The following TAGAP variants were observed in gnomAD, a reference collection of about 807,000 sequenced individuals.
TAGAP encodes T cell activation RhoGTPase activating protein, also known as T-cell activation Rho GTPase-activating protein.
Under a neutral mutation model 36.0 loss-of-function variants are expected in TAGAP, and 16 were observed. The observed-to-expected ratio is 0.44, with a 90% CI of 0.30 to 0.68. TAGAP has a LOEUF of 0.68. Ranked by LOEUF, TAGAP falls within the 30% of genes least tolerant of loss-of-function variation. The pLI is 0.09. For missense variants in TAGAP, 794 were observed against 921.5 expected (o/e 0.86, Z 1.79); for synonymous variants, 372 against 377.4 (o/e 0.99, Z 0.17).
In TAGAP at chr6:159,044,187, G is replaced by C; in HGVS notation, c.-41C>G. On this transcript the variant is annotated 5_prime_UTR_variant, in exon 2 of 10. Transcript: ENST00000367066. ...CTGTCCAGGGGTGGATTTCACTCCCGTGTGGCTGTGCCTCTGTCTACAACG... is the reference window on the plus strand; with the variant it reads ...CTGTCCAGGGGTGGATTTCACTCCCCTGTGGCTGTGCCTCTGTCTACAACG... 1 of 1,605,756 alleles carries C rather than the reference G, an allele frequency of 6.2e-7. No individual in the cohort carries two copies. The highest frequency in any genetic ancestry group is 8.5e-7 in the Non-Finnish European group (1 of 1,177,760).
Position 159,036,066 on chromosome 6 carries a change from C to G in TAGAP, c.1957G>C (p.Glu653Gln). The G allele has an allele frequency of 6.2e-7, 1 of 1,612,832 alleles. No individual in the cohort carries two copies. Among genetic ancestry groups the G allele is most frequent in the Non-Finnish European group, 8.5e-7 (1 of 1,178,998 alleles). ...GAGAGTCCGTGGCCAGGGAGTGGCT[C>G]TTTGCTGCCCCTGTGTCTTGAGTCC... ...VEDSRHRGSKEPLPGHGLSPL... is the reference protein window; with the variant it reads ...VEDSRHRGSKQPLPGHGLSPL... Residue 653 changes from glutamate (E) to glutamine (Q), a missense_variant, in exon 10 of 10, where the codon GAG (glutamate) becomes CAG (glutamine). Coordinates refer to ENST00000367066, the MANE Select transcript of TAGAP (RefSeq NM_054114.5). The surrounding 1 kb of genome is among the most constrained non-coding windows in gnomAD (Gnocchi z 4.9).
At position 159,037,983 on chromosome 6, in the gene TAGAP, C is replaced by T. The variant is rs960777143; in HGVS notation, c.898+131G>A. ...TCATGTTTAATGACTTCCTAATGGACTGGAGTCTAGTCTGACTCGGTGATT... is the reference window on the plus strand; with the variant it reads ...TCATGTTTAATGACTTCCTAATGGATTGGAGTCTAGTCTGACTCGGTGATT... On this transcript the variant is annotated intron_variant, in intron 9 of 9. Coordinates refer to ENST00000367066, the MANE Select transcript of TAGAP (RefSeq NM_054114.5). This position sits in a 1 kb window ranked among gnomAD's most constrained non-coding sequence, Gnocchi z 5.1. 1.6e-6 allele frequency: 1 copy of T among 610,890 alleles called. No homozygotes were observed. Among genetic ancestry groups the T allele is most frequent in the African/African-American group, 1.9e-5 (1 of 53,580 alleles). 37.8% of individuals were successfully genotyped at this position (610,890 alleles called of 1,614,324 possible).
chr6:159,039,104 C>T lies in TAGAP; in HGVS notation c.783+10G>A, dbSNP rs1161516583. ...AAGTTGGGGATTTCTCATCAGTAAG[C>T]AGAACAAACCTTGTTGTTCAGGTCC... On this transcript the variant is annotated intron_variant, in intron 8 of 9. Transcript: ENST00000367066. 1 of 1,614,054 alleles carries T rather than the reference C, an allele frequency of 6.2e-7. No homozygotes were observed. The highest frequency in any genetic ancestry group is 1.3e-5 in the African/African-American group (1 of 74,930).
At position 159,041,939 on chromosome 6, in the gene TAGAP, G is replaced by T; in HGVS notation, c.315+139C>A. ...TATTCTTCTGACTGCACGCGTATGT[G>T]GGAGTGCCATGTTGAAGAGTGGAAA... On this transcript the variant is annotated intron_variant, in intron 5 of 9. Coordinates refer to ENST00000367066, the MANE Select transcript of TAGAP (RefSeq NM_054114.5). This position sits in a 1 kb window ranked among gnomAD's most constrained non-coding sequence, Gnocchi z 4.1. 1 of 900,694 alleles carries T rather than the reference G, an allele frequency of 1.1e-6. No individual in the cohort carries two copies. The allele number at this position is 900,694 out of a possible 1,614,324, so 55.8% of individuals were successfully genotyped here. A position where few individuals can be genotyped will look rare whatever the true frequency, so the allele number is the denominator to read the frequency against.
chr6:159,043,767 G>T, intron 3 of TAGAP, 112 bp from the exon 4 acceptor site: 2 of 1,142,170 alleles, frequency 1.8e-6, no homozygotes, highest in Middle Eastern at 2.1e-4. Context: ...AGTCAGTAGA[G>T]TGCATTGATG....
intron 7 of TAGAP, among the ~76,000 whole-genome samples, chr6:159,040,346 A>C (rs564073905): frequency 6.6e-6 from 1 of 152,316 alleles, no homozygotes; most frequent in African/African-American, 2.4e-5. Context: ...GCATGACACC[A>C]GTCAGTGTAG....
chr6:159,041,909 T>TG lies in TAGAP; in HGVS notation c.315+168_315+169insC. ...ATTTCAATTTCTGGAATGGAAGCAG[T>TG]CAGATATTCTTCTGACTGCACGCGT... On this transcript the variant is annotated intron_variant, in intron 5 of 9. Transcript: ENST00000367066. The surrounding 1 kb of genome is among the most constrained non-coding windows in gnomAD (Gnocchi z 4.1). 1.4e-6 allele frequency: 1 copy of TG among 737,440 alleles called. No homozygotes were observed. The highest frequency in any genetic ancestry group is 2.2e-6 in the Non-Finnish European group (1 of 447,050). The allele number at this position is 737,440 out of a possible 1,614,324, so 45.7% of individuals were successfully genotyped here.
chr6:159,040,584 GA>G (rs1779712037), intron 7 of TAGAP, 138 bp downstream of exon 7: 3 of 633,744 alleles, frequency 4.7e-6, no homozygotes, highest in Middle Eastern at 5.2e-4. Flanking sequence ...TCTGGGAGTG[GA>G]CGAGCAATTC....
chr6:159,038,894 A>G (rs1432653140), intron 8 of TAGAP: 2 of 1,406,806 alleles, frequency 1.4e-6, no homozygotes, highest in African/African-American at 1.4e-5. Context: ...TACTCGCAGC[A>G]CTCATCTGTC....
Position 159,041,698 on chromosome 6 carries a change from T to TA in TAGAP, c.316-184dup. 2 of 643,976 alleles carry TA rather than the reference T, an allele frequency of 3.1e-6. No individual in the cohort carries two copies. The highest frequency in any genetic ancestry group is 5.1e-6 in the Non-Finnish European group (2 of 393,076). 39.9% of individuals were successfully genotyped at this position (643,976 alleles called of 1,614,324 possible). On this transcript the variant is annotated intron_variant, in intron 5 of 9. Coordinates refer to ENST00000367066, the MANE Select transcript of TAGAP (RefSeq NM_054114.5). This position sits in a 1 kb window ranked among gnomAD's most constrained non-coding sequence, Gnocchi z 4.1. Reference sequence around the variant, plus strand: ...GTGAAAGCTCTAATTTTGCACTTTCTAAAATCACTTTGGAGCTCTCTCCTT... The same window carrying TA: ...GTGAAAGCTCTAATTTTGCACTTTCTAAAAATCACTTTGGAGCTCTCTCCTT...
Position 159,042,264 on chromosome 6 carries a change from G to A in TAGAP, c.149-20C>T. 2 of 1,598,360 alleles carry A rather than the reference G, an allele frequency of 1.3e-6. No individual in the cohort carries two copies. Among genetic ancestry groups the A allele is most frequent in the Non-Finnish European group, 8.5e-7 (1 of 1,174,392 alleles). On this transcript the variant is annotated intron_variant, in intron 4 of 9. Coordinates refer to ENST00000367066, the MANE Select transcript of TAGAP (RefSeq NM_054114.5). ...TAACTTCTACAGCCAAGAAAACAAG[G>A]CAACGAGAAAAATTAGACTACAGTG...
chr6:159,035,490 T>A lies in TAGAP; in HGVS notation c.*337A>T. 5.3e-6 allele frequency: 1 copy of A among 187,636 alleles called. No individual in the cohort carries two copies. The allele number at this position is 187,636 out of a possible 1,614,324, so 11.6% of individuals were successfully genotyped here. On this transcript the variant is annotated 3_prime_UTR_variant, in exon 10 of 10. Coordinates refer to ENST00000367066, the MANE Select transcript of TAGAP (RefSeq NM_054114.5). ...CACATTAAAAAAGCGAAGATAATTTTTAAACACTAACCAAGAGAAAAGTGC... is the reference window on the plus strand; with the variant it reads ...CACATTAAAAAAGCGAAGATAATTTATAAACACTAACCAAGAGAAAAGTGC...
At chr6:159,038,730 C>T (rs1177942806) in intron 8 of TAGAP, among the ~76,000 whole-genome samples, 1 of 152,060 alleles carries the variant, frequency 6.6e-6, no homozygotes, top group South Asian at 2.1e-4. Context: ...TGTTTTGAGA[C>T]ATGCATTTTA....
rs539716295 is a variant in TAGAP at position 159,044,186 on chromosome 6, C to G, written c.-40G>C. 6.2e-7 allele frequency: 1 copy of G among 1,606,162 alleles called. No individual in the cohort carries two copies. The highest frequency in any genetic ancestry group is 1.3e-5 in the African/African-American group (1 of 74,420). On this transcript the variant is annotated 5_prime_UTR_variant, in exon 2 of 10. Transcript: ENST00000367066. ...ACTGTCCAGGGGTGGATTTCACTCC[C>G]GTGTGGCTGTGCCTCTGTCTACAAC...
In TAGAP at chr6:159,041,097, T is replaced by G. The variant is rs921198357; in HGVS notation, c.477+257A>C. On this transcript the variant is annotated intron_variant, in intron 6 of 9. Coordinates refer to ENST00000367066, the MANE Select transcript of TAGAP (RefSeq NM_054114.5). The surrounding 1 kb of genome is among the most constrained non-coding windows in gnomAD (Gnocchi z 4.1). ...GGGCCACTGGATTTTGACGTATGGA[T>G]TCTGCCACGGAACAATCAAATTGCC... 4.1e-5 allele frequency: 24 copies of G among 590,240 alleles called. No homozygotes were observed. The African/African-American group carries it at 4.3e-4, about 11-fold the overall frequency. 36.6% of individuals were successfully genotyped at this position (590,240 alleles called of 1,614,324 possible). A position where few individuals can be genotyped will look rare whatever the true frequency, so the allele number is the denominator to read the frequency against.
At chr6:159,044,787 G>T in intron 1 of TAGAP, 92 bp downstream of exon 1, 1 of 396,222 alleles carries the variant, frequency 2.5e-6, no homozygotes. Flanking sequence ...TATTCCACGG[G>T]ATAGCTGTTT....
At position 159,037,098 on chromosome 6, in the gene TAGAP, C is replaced by T; in HGVS notation, c.925G>A (p.Ala309Thr). 6.2e-7 allele frequency: 1 copy of T among 1,611,344 alleles called. No individual in the cohort carries two copies. The highest frequency in any genetic ancestry group is 8.5e-7 in the Non-Finnish European group (1 of 1,179,970). ...ACATCAGGGTCGTTGCTGTCGTAGG[C>T]TGAGTCATTCTGCAGGGTCGACACA... ...SDVSTLQNDS[A>T]YDSNDPDVES... is the part of the protein sequence containing the mutation. Residue 309 changes from alanine to threonine, a missense_variant, in exon 10 of 10, where the codon GCC becomes ACC. Ala to Thr is a moderately conservative substitution (Grantham distance 58). Transcript: ENST00000367066. The surrounding 1 kb of genome is among the most constrained non-coding windows in gnomAD (Gnocchi z 5.1).
At chr6:159,040,027 CA>C (rs1790268476) in intron 7 of TAGAP, among the ~76,000 whole-genome samples, 1 of 152,192 alleles carries the variant, frequency 6.6e-6, no homozygotes, top group Admixed American at 6.5e-5. Flanking sequence ...CAATTCTATA[CA>C]TATGTCATTG....
chr6:159,035,879 T>C lies in TAGAP; in HGVS notation c.2144A>G (p.Gln715Arg), dbSNP rs922983390. The change falls in exon 10 of 10, where the codon CAG (glutamine) becomes CGG (arginine). Residue 715 changes from glutamine to arginine, a missense_variant. Gln to Arg is a conservative substitution (Grantham distance 43). Coordinates refer to ENST00000367066, the MANE Select transcript of TAGAP (RefSeq NM_054114.5). Reference sequence around the variant, plus strand: ...GAATTGGTCAGCCTCAAAGACCGGCTGGCTACATCGTCGCACGAGACAGTC... The same window carrying C: ...GAATTGGTCAGCCTCAAAGACCGGCCGGCTACATCGTCGCACGAGACAGTC... Reference protein sequence around the residue: ...KRDCLVRRCSQPVFEADQFQY... With the variant: ...KRDCLVRRCSRPVFEADQFQY... 5 of 1,610,790 alleles carry C rather than the reference T, an allele frequency of 3.1e-6. No individual in the cohort carries two copies. The African/African-American group carries it at 5.3e-5, about 17-fold the overall frequency.
Sources: gnomAD v4.1 joint callset for allele counts (sites outside exome capture counted in the v4.1 genomes callset) on GRCh38, gnomAD v4.1.1 for gene constraint, Gnocchi (gnomAD v3.1) non-coding constraint, MANE v1.5 for transcripts, NCBI Gene and HGNC (gene_info 2026-07-23, HGNC 2026-07-21) for gene names.